The following FAF2 variants were observed in gnomAD, a reference collection of about 807,000 sequenced individuals.
The protein encoded by FAF2 is Fas associated factor family member 2, also known as FAS-associated factor 2.
A neutral mutation model predicts 62.3 loss-of-function variants in FAF2; 9 were observed. The observed-to-expected ratio is 0.14, with a 90% CI of 0.09 to 0.25. FAF2 has a LOEUF of 0.25. FAF2 is among the 10% of genes least tolerant of loss of function. The probability of loss-of-function intolerance (pLI) is 1.00; values close to 1 mark genes in which losing one functional copy is unlikely to be tolerated. For missense variants in FAF2, 368 were observed against 556.2 expected (o/e 0.66, Z 3.40); for synonymous variants, 202 against 198.0 (o/e 1.02, Z -0.17).
At chr5:176,478,311 T>C (rs904240878) in intron 1 of FAF2, among the ~76,000 whole-genome samples, 2 of 152,098 alleles carry the variant, frequency 1.3e-5, no homozygotes, top group African/African-American at 2.4e-5. Flanking sequence ...ATCCCGTCTT[T>C]ACAAAAAACA....
At chr5:176,456,104 T>C (rs370752507) in intron 1 of FAF2, among the ~76,000 whole-genome samples, 6 of 152,052 alleles carry the variant, frequency 3.9e-5, no homozygotes, top group African/African-American at 1.4e-4. Flanking sequence ...AGAGTTTTGC[T>C]CTTGTTGCCC....
intron 1 of FAF2, among the ~76,000 whole-genome samples, chr5:176,452,871 G>T (rs915087569): frequency 4.6e-5 from 7 of 152,214 alleles, no homozygotes; most frequent in African/African-American, 1.7e-4. Flanking sequence ...GCAGTATGGA[G>T]TATGTGTTTG....
intron 1 of FAF2, among the ~76,000 whole-genome samples, chr5:176,459,230 A>G (rs1303753547): frequency 6.6e-6 from 1 of 151,196 alleles, no homozygotes; most frequent in Non-Finnish European, 1.5e-5. Flanking sequence ...AGAAAGAAGA[A>G]AGCCAAAATT....
chr5:176,458,225 G>A (rs1315876027), intron 1 of FAF2, among the ~76,000 whole-genome samples: 1 of 151,988 alleles, frequency 6.6e-6, no homozygotes, highest in African/African-American at 2.4e-5. Flanking sequence ...GGGACCACAG[G>A]CACGTGCCAC....
chr5:176,498,087 C>T (rs992188808), intron 8 of FAF2, among the ~76,000 whole-genome samples: 3 of 152,030 alleles, frequency 2.0e-5, no homozygotes, highest in African/African-American at 7.2e-5. Context: ...GAGTCATGAT[C>T]GCACCACTGC....
chr5:176,468,933 C>A (rs1027348478), intron 1 of FAF2, among the ~76,000 whole-genome samples: 1 of 151,630 alleles, frequency 6.6e-6, no homozygotes, highest in Non-Finnish European at 1.5e-5. Flanking sequence ...GACAGAGAGA[C>A]CCTGTCTGTA....
intron 1 of FAF2, among the ~76,000 whole-genome samples, chr5:176,450,335 G>A (rs894460383): frequency 2.6e-5 from 4 of 152,160 alleles, no homozygotes; most frequent in African/African-American, 9.7e-5. Context: ...TACACTTCCA[G>A]GTAGACCACC....
At position 176,494,224 on chromosome 5, in the gene FAF2, A is replaced by T; in HGVS notation, c.610A>T (p.Thr204Ser). Residue 204 changes from threonine to serine, a missense_variant, in exon 7 of 11, where the codon ACT becomes TCT. Physicochemically the swap from Thr to Ser is moderately conservative, Grantham distance 58. Around this residue, in one of 2 missense-constraint regions of FAF2, gnomAD observed 331 missense variants for 441.9 expected, o/e 0.75. Transcript: ENST00000261942. The surrounding 1 kb of genome is among the most constrained non-coding windows in gnomAD (Gnocchi z 4.0). ...ACCTGAAGTTATTTCACTAATAAAC[A>T]CTAGGATGCTCTTCTGGGCATGCTC... ...CAPEVISLIN[T>S]RMLFWACSTN... 1.2e-6 allele frequency: 2 copies of T among 1,614,108 alleles called. No individual in the cohort carries two copies. The highest frequency in any genetic ancestry group is 1.7e-6 in the Non-Finnish European group (2 of 1,179,990).
chr5:176,482,976 C>T lies in FAF2; in HGVS notation c.133-3379C>T, dbSNP rs377105445. ...TGGTCTCTTGACCTTGTGATCCGCC[C>T]GCCTCGGCCTCCCAAAGTGCTGGGA... On this transcript the variant is annotated intron_variant, in intron 2 of 10. Transcript: ENST00000261942. Among the ~76,000 whole-genome samples, 42 of 152,120 alleles carry T rather than the reference C, an allele frequency of 2.8e-4. No homozygotes were observed. The East Asian group carries it at 5.6e-3, about 20-fold the overall frequency.
intron 3 of FAF2, among the ~76,000 whole-genome samples, chr5:176,487,885 C>G (rs1236705224): frequency 6.6e-6 from 1 of 152,124 alleles, no homozygotes; most frequent in Non-Finnish European, 1.5e-5. Context: ...CTCTGTTGCC[C>G]AGGCTGGAGT....
intron 4 of FAF2, among the ~76,000 whole-genome samples, chr5:176,489,949 G>C (rs1036609244): frequency 6.6e-6 from 1 of 152,104 alleles, no homozygotes; most frequent in African/African-American, 2.4e-5. Context: ...CTTTCTTCTA[G>C]CTTCCTTCAT....
At chr5:176,451,402 G>A (rs1423395801) in intron 1 of FAF2, among the ~76,000 whole-genome samples, 1 of 151,920 alleles carries the variant, frequency 6.6e-6, no homozygotes, top group East Asian at 1.9e-4. Context: ...GTAGAGACGG[G>A]AGTCTTGCTA....
chr5:176,462,590 C>T, intron 1 of FAF2, among the ~76,000 whole-genome samples: 1 of 152,150 alleles, frequency 6.6e-6, no homozygotes, highest in East Asian at 1.9e-4. Context: ...CGCCACTGCA[C>T]TCCAGCCTAA....
At chr5:176,488,243 G>T (rs1232516979) in intron 3 of FAF2, among the ~76,000 whole-genome samples, 1 of 152,138 alleles carries the variant, frequency 6.6e-6, no homozygotes, top group Non-Finnish European at 1.5e-5. Context: ...CTCCCAAAGT[G>T]TTGGGATTAC....
chr5:176,481,806 A>T (rs1198162481), intron 2 of FAF2, among the ~76,000 whole-genome samples: 1 of 152,098 alleles, frequency 6.6e-6, no homozygotes. Flanking sequence ...GGCCCACGCT[A>T]CCACACCGGG....
At chr5:176,473,608 T>TA (rs1758612008) in intron 1 of FAF2, among the ~76,000 whole-genome samples, 1 of 152,236 alleles carries the variant, frequency 6.6e-6, no homozygotes, top group African/African-American at 2.4e-5. Context: ...AAGGTAAAGG[T>TA]AAAATATCTA....
intron 1 of FAF2, among the ~76,000 whole-genome samples, chr5:176,454,823 C>T (rs550966026): frequency 6.6e-6 from 1 of 152,206 alleles, no homozygotes; most frequent in South Asian, 2.1e-4. Flanking sequence ...TTTTCCTAAA[C>T]TCTATTCTGT....
At chr5:176,498,836 C>G (rs1755542713) in intron 8 of FAF2, 78 bp from the exon 9 acceptor site, 1 of 1,329,060 alleles carries the variant, frequency 7.5e-7, no homozygotes, top group Admixed American at 2.5e-5. Context: ...CACACACACA[C>G]AGAAGATTTC....
intron 5 of FAF2, 141 bp downstream of exon 5, chr5:176,492,473 A>G: frequency 1.1e-6 from 1 of 915,092 alleles, no homozygotes. Flanking sequence ...GTGGGTAATA[A>G]AAAAGACCAA....
Sources: gnomAD v4.1 joint callset for allele counts (sites outside exome capture counted in the v4.1 genomes callset) on GRCh38, gnomAD v4.1.1 for gene constraint, gnomAD v4.1.1 regional missense constraint, Gnocchi (gnomAD v3.1) non-coding constraint, MANE v1.5 for transcripts, NCBI Gene and HGNC (gene_info 2026-07-23, HGNC 2026-07-21) for gene names.